The following IQGAP2 variants were observed in gnomAD, a reference collection of about 807,000 sequenced individuals.
IQGAP2 encodes the protein ras GTPase-activating-like protein IQGAP2.
IQGAP2 carries 173 observed loss-of-function variants against 201.3 expected under a neutral mutation model. The ratio of observed to expected loss-of-function variants is 0.86; its 90% CI spans 0.76 to 0.98. IQGAP2 has a LOEUF of 0.98. Ranked by LOEUF, IQGAP2 falls within the 50% of genes least tolerant of loss-of-function variation. The pLI is 0.00. For missense variants in IQGAP2, 1,687 were observed against 1,864.8 expected, an observed-to-expected ratio of 0.90 and a Z score of 1.76; for synonymous variants, 675 against 673.9, an observed-to-expected ratio of 1.00 and a Z score of -0.03.
chr5:76,592,114 A>C (rs1436152803), intron 8 of IQGAP2, among the ~76,000 whole-genome samples: 1 of 152,128 alleles, frequency 6.6e-6, no homozygotes, highest in African/African-American at 2.4e-5. Flanking sequence ...TTACTCTCTA[A>C]GCCAATCCCT....
chr5:76,647,857 A>C (rs574844738), intron 17 of IQGAP2, among the ~76,000 whole-genome samples: 2 of 148,412 alleles, frequency 1.3e-5, no homozygotes, highest in Non-Finnish European at 3.0e-5. Context: ...ACACAAACGA[A>C]AAAAACTGTA....
intron 15 of IQGAP2, among the ~76,000 whole-genome samples, chr5:76,632,892 T>G (rs1425289626): frequency 6.6e-6 from 1 of 152,166 alleles, no homozygotes; most frequent in Non-Finnish European, 1.5e-5. Context: ...TTTCATATAT[T>G]TCCAACTTGG....
intron 2 of IQGAP2, among the ~76,000 whole-genome samples, chr5:76,519,680 C>A (rs979789653): frequency 6.6e-6 from 1 of 152,180 alleles, no homozygotes; most frequent in African/African-American, 2.4e-5. Flanking sequence ...TTTTTTTCTG[C>A]AACTTCCTCA....
chr5:76,629,830 T>C (rs997026315), intron 14 of IQGAP2, among the ~76,000 whole-genome samples: 1 of 152,218 alleles, frequency 6.6e-6, no homozygotes, highest in Admixed American at 6.5e-5. Flanking sequence ...AGGAGATTTA[T>C]GGAGGTTTCT....
chr5:76,482,286 T>G (rs1755839285), intron 2 of IQGAP2, among the ~76,000 whole-genome samples: 1 of 152,238 alleles, frequency 6.6e-6, no homozygotes, highest in Non-Finnish European at 1.5e-5. Flanking sequence ...TCTTGCTTTG[T>G]TCCTGAAGTT....
intron 22 of IQGAP2, among the ~76,000 whole-genome samples, chr5:76,667,572 A>G (rs1743893466): frequency 6.6e-6 from 1 of 152,134 alleles, no homozygotes; most frequent in Admixed American, 6.6e-5. Context: ...CTGGTTCTGT[A>G]TCCAATGGGT....
rs1393251212 is a variant in IQGAP2 at position 76,579,396 on chromosome 5, G to A, written c.458+3627G>A. On this transcript the variant is annotated intron_variant, in intron 5 of 35. Coordinates refer to ENST00000274364, the MANE Select transcript of IQGAP2 (RefSeq NM_006633.5). ...CAACTTTGGGTTCTTCTCCCATGGC[G>A]AGTCAGACCCTGGCCACAGGCATCA... Among the ~76,000 whole-genome samples, 6 of 150,696 alleles carry A rather than the reference G, an allele frequency of 4.0e-5. No homozygotes were observed. The South Asian group carries it at 8.4e-4, about 21-fold the overall frequency.
At chr5:76,641,344 C>T (rs369707388) in intron 17 of IQGAP2, among the ~76,000 whole-genome samples, 109 of 152,312 alleles carry the variant, frequency 7.2e-4, no homozygotes, top group Middle Eastern at 3.4e-3. Flanking sequence ...TTGCACAGAT[C>T]CACCTGCTGC....
chr5:76,520,854 C>G (rs918058999), intron 2 of IQGAP2, among the ~76,000 whole-genome samples: 1 of 151,946 alleles, frequency 6.6e-6, no homozygotes, highest in African/African-American at 2.4e-5. Context: ...ATTACAGGCA[C>G]ACGCCACCAT....
chr5:76,661,746 C>T (rs189865966), intron 21 of IQGAP2, among the ~76,000 whole-genome samples: 29 of 152,164 alleles, frequency 1.9e-4, no homozygotes, highest in African/African-American at 6.8e-4. Flanking sequence ...CTTAGGTTAA[C>T]CTGTGTAGGT....
chr5:76,690,224 A>G (rs989971298), intron 30 of IQGAP2, among the ~76,000 whole-genome samples: 1 of 152,188 alleles, frequency 6.6e-6, no homozygotes, highest in African/African-American at 2.4e-5. Context: ...GGTCATTGGT[A>G]ACTGGAATGT....
At chr5:76,548,553 G>A (rs1162294975) in intron 2 of IQGAP2, among the ~76,000 whole-genome samples, 1 of 152,238 alleles carries the variant, frequency 6.6e-6, no homozygotes, top group Admixed American at 6.5e-5. Flanking sequence ...GCAGAGAGGT[G>A]TCCTGCAGAG....
intron 2 of IQGAP2, among the ~76,000 whole-genome samples, chr5:76,499,307 C>T (rs1757150817): frequency 6.6e-6 from 1 of 152,236 alleles, no homozygotes; most frequent in South Asian, 2.1e-4. Flanking sequence ...CCTGGGCTCA[C>T]TCTTTCTGCC....
At chr5:76,428,774 AC>A (rs1752159619) in intron 1 of IQGAP2, among the ~76,000 whole-genome samples, 1 of 130,986 alleles carries the variant, frequency 7.6e-6, no homozygotes, top group Non-Finnish European at 1.7e-5. Context: ...TCCATTGCTT[AC>A]TAAACCAACT....
intron 1 of IQGAP2, among the ~76,000 whole-genome samples, chr5:76,420,710 A>C (rs1438559813): frequency 6.6e-6 from 1 of 152,136 alleles, no homozygotes; most frequent in Admixed American, 6.6e-5. Flanking sequence ...CTGAAACTCC[A>C]TACACATTAA....
chr5:76,558,357 T>C (rs1443665790), intron 2 of IQGAP2, among the ~76,000 whole-genome samples: 1 of 152,214 alleles, frequency 6.6e-6, no homozygotes, highest in Non-Finnish European at 1.5e-5. Flanking sequence ...CATATATTTT[T>C]GTGTAAAAAA....
intron 4 of IQGAP2, among the ~76,000 whole-genome samples, 200 bp downstream of exon 4, chr5:76,570,857 G>T (rs568500497): frequency 1.3e-5 from 2 of 152,324 alleles, no homozygotes; most frequent in South Asian, 4.1e-4. Context: ...ATTGAGAGCA[G>T]CCAGGTAAAA....
intron 2 of IQGAP2, among the ~76,000 whole-genome samples, chr5:76,475,014 G>A (rs1438732889): frequency 6.6e-6 from 1 of 152,160 alleles, no homozygotes; most frequent in Non-Finnish European, 1.5e-5. Flanking sequence ...GTCCGGCTGA[G>A]GTCTGCCTTT....
At chr5:76,435,687 T>G (rs1278093986) in intron 1 of IQGAP2, among the ~76,000 whole-genome samples, 1 of 152,214 alleles carries the variant, frequency 6.6e-6, no homozygotes, top group Non-Finnish European at 1.5e-5. Flanking sequence ...TGGTTCCATA[T>G]GAACTTTAGG....
Sources: allele counts gnomAD v4.1 joint callset (sites outside exome capture counted in the v4.1 genomes callset), GRCh38; gene constraint gnomAD v4.1.1; transcripts MANE v1.5; gene names NCBI Gene and HGNC (gene_info 2026-07-23, HGNC 2026-07-21).